The following SYNM variants were observed in gnomAD, a reference collection of about 807,000 sequenced individuals.
The protein encoded by SYNM is synemin.
In SYNM, 95 loss-of-function variants were observed where a neutral mutation model predicts 104.0. The observed-to-expected ratio is 0.91, with a 90% CI of 0.77 to 1.08. The LOEUF is 1.08. Ranked by LOEUF, SYNM falls within the 50% of genes least tolerant of loss-of-function variation. The pLI is 0.00. For synonymous variants in SYNM, 918 were observed against 869.0 expected, an observed-to-expected ratio of 1.06 and a Z score of -0.99; for missense variants, 2,150 against 2,052.2, an observed-to-expected ratio of 1.05 and a Z score of -0.92.
rs782085670 is a variant in SYNM at position 99,131,349 on chromosome 15, G to A, written c.2989G>A (p.Val997Met). 8.1e-6 allele frequency: 13 copies of A among 1,613,160 alleles called. No individual in the cohort carries two copies. The highest frequency in any genetic ancestry group is 3.3e-5 in the South Asian group (3 of 90,790). Residue 997 changes from valine (V) to methionine (M), a missense_variant, in exon 4 of 4, where the codon GTG becomes ATG. Transcript: ENST00000336292. This position sits in a 1 kb window ranked among gnomAD's most constrained non-coding sequence, Gnocchi z 4.3. The part of the protein sequence containing the change: ...KKVQGAGGSS[V>M]TLVAEVNVSQ... The stretch of plus-strand genomic sequence containing the variant: ...GGTCCAGGGTGCTGGTGGCAGTTCC[G>A]TGACCCTGGTTGCTGAAGTCAACGT...
intron 1 of SYNM, among the ~76,000 whole-genome samples, chr15:99,111,312 T>A (rs138120700): frequency 1.0e-4 from 16 of 152,392 alleles, no homozygotes; most frequent in African/African-American, 1.9e-4. Flanking sequence ...GTAATAGTTA[T>A]GTCAAATTTC....
At chr15:99,117,725 C>T (rs976747510) in intron 2 of SYNM, among the ~76,000 whole-genome samples, 1 of 83,176 alleles carries the variant, frequency 1.2e-5, no homozygotes, top group African/African-American at 4.6e-5. Flanking sequence ...CCTCAGAGTC[C>T]GGGGCCTGCC....
chr15:99,109,419 C>A lies in SYNM; in HGVS notation c.810+3410C>A, dbSNP rs572586943. ...GAAAGTGAGCCCTTAGCTGCTGAGG[C>A]TGACTGGAAAAGGCTTCCAAGCCCC... is the stretch of plus-strand genomic sequence containing the variant. On this transcript the variant is annotated intron_variant, in intron 1 of 3. Coordinates refer to ENST00000336292, the MANE Select transcript of SYNM (RefSeq NM_145728.3). Among the ~76,000 whole-genome samples the A allele has an allele frequency of 2.0e-5, 3 of 152,246 alleles. 1 individual carries two copies. The South Asian group carries it at 6.2e-4, about 32-fold the overall frequency.
intron 1 of SYNM, among the ~76,000 whole-genome samples, chr15:99,108,439 T>C (rs1555483076): frequency 6.6e-6 from 1 of 152,114 alleles, no homozygotes; most frequent in Non-Finnish European, 1.5e-5. Context: ...AGGAAGTATG[T>C]GAAAGAGGGA....
intron 1 of SYNM, among the ~76,000 whole-genome samples, chr15:99,109,174 C>T (rs2067277376): frequency 6.8e-6 from 1 of 148,082 alleles, no homozygotes; most frequent in Non-Finnish European, 1.5e-5. Context: ...TGCGCCTTCA[C>T]TGTATGAGGC....
chr15:99,126,432 C>T lies in SYNM; in HGVS notation c.936-290C>T, dbSNP rs538154923. Reference sequence around the variant, plus strand: ...GAAGGGCTTGGCTCGCCAGTACTGCCGAAGCCCTGGCCTGGTCATTTTGTT... The same window carrying T: ...GAAGGGCTTGGCTCGCCAGTACTGCTGAAGCCCTGGCCTGGTCATTTTGTT... On this transcript the variant is annotated intron_variant, in intron 2 of 3. Coordinates refer to ENST00000336292, the MANE Select transcript of SYNM (RefSeq NM_145728.3). Among the ~76,000 whole-genome samples, 4 of 152,358 alleles carry T rather than the reference C, an allele frequency of 2.6e-5. No individual in the cohort carries two copies. The East Asian group carries it at 5.8e-4, about 22-fold the overall frequency.
chr15:99,129,346 T>C (rs782507566), intron 3 of SYNM, 21 bp from the exon 4 acceptor site: 2 of 1,604,460 alleles, frequency 1.2e-6, no homozygotes, highest in Non-Finnish European at 1.7e-6. Context: ...TTTTAATGAA[T>C]GCTTTGTTCA....
intron 1 of SYNM, 93 bp from the exon 2 acceptor site, chr15:99,113,498 T>C (rs2067318379): frequency 7.9e-6 from 12 of 1,528,150 alleles, no homozygotes; most frequent in Non-Finnish European, 9.8e-6. Context: ...AACCCTGGTC[T>C]GTTTTTCAAT....
At position 99,130,325 on chromosome 15, in the gene SYNM, G is replaced by C. The variant is rs1452490711; in HGVS notation, c.1965G>C (p.Glu655Asp). Residue 655 changes from glutamate (E) to aspartate (D), a missense_variant, in exon 4 of 4, where the codon GAG becomes GAC. Coordinates refer to ENST00000336292, the MANE Select transcript of SYNM (RefSeq NM_145728.3). The stretch of plus-strand genomic sequence containing the variant: ...TGAAGCAGTTCACTCAGTCTCCAGA[G>C]ACAGAAGCATCTGCTGATTCTTTTC... ...SILKQFTQSPETEASADSFPD... is the reference protein window; with the variant it reads ...SILKQFTQSPDTEASADSFPD... 3.7e-6 allele frequency: 6 copies of C among 1,613,718 alleles called. No individual in the cohort carries two copies. The highest frequency in any genetic ancestry group is 2.7e-5 in the African/African-American group (2 of 74,920).
chr15:99,109,712 T>G (rs1412658642), intron 1 of SYNM, among the ~76,000 whole-genome samples: 2 of 152,180 alleles, frequency 1.3e-5, no homozygotes, highest in Admixed American at 6.5e-5. Flanking sequence ...CCAAGCTCAG[T>G]TCTTCATGGT....
intron 1 of SYNM, among the ~76,000 whole-genome samples, chr15:99,106,858 T>C (rs2067250125): frequency 6.6e-6 from 1 of 152,244 alleles, no homozygotes; most frequent in Admixed American, 6.5e-5. Flanking sequence ...TCAGTAGTTC[T>C]CAAAAGGACA....
intron 1 of SYNM, among the ~76,000 whole-genome samples, chr15:99,109,212 G>A (rs1315858494): frequency 6.6e-6 from 1 of 152,184 alleles, no homozygotes; most frequent in Admixed American, 6.5e-5. Flanking sequence ...CCCAGGCCTG[G>A]CCTCAGATTT....
At chr15:99,137,985 C>T, downstream of SYNM, 2 of 1,613,944 alleles carry the variant, frequency 1.2e-6, no homozygotes, top group East Asian at 2.2e-5. Context: ...CCAGGAATGT[C>T]CTAGGCTTTT....
chr15:99,129,771 T>A lies in SYNM; in HGVS notation c.1411T>A (p.Ser471Thr). 5 of 1,612,638 alleles carry A rather than the reference T, an allele frequency of 3.1e-6. No homozygotes were observed. Among genetic ancestry groups the A allele is most frequent in the Non-Finnish European group, 4.2e-6 (5 of 1,179,582 alleles). ...IGEDSTIARE[S>T]YRDRRDKVAA... ...TGAAGATTCCACAATTGCCCGCGAG[T>A]CGTACCGGGATCGCCGAGACAAGGT... is the stretch of plus-strand genomic sequence containing the variant. The change falls in exon 4 of 4, where the codon TCG (serine) becomes ACG (threonine). Residue 471 changes from serine to threonine, a missense_variant. Transcript: ENST00000336292.
Position 99,132,273 on chromosome 15 carries a change from A to G in SYNM, c.3913A>G (p.Ser1305Gly). 1 of 1,608,242 alleles carries G rather than the reference A, an allele frequency of 6.2e-7. No homozygotes were observed. Among genetic ancestry groups the G allele is most frequent in the Non-Finnish European group, 8.5e-7 (1 of 1,175,784 alleles). ...ACACATGGAAGGGTTGCCAGGGAGC[A>G]GCACATCCATCAGGCACATCAGCAT... The part of the protein sequence containing the change: ...SVHMEGLPGS[S>G]TSIRHISIGP... Residue 1305 changes from serine to glycine, a missense_variant, in exon 4 of 4, where the codon AGC (serine) becomes GGC (glycine). Transcript: ENST00000336292.
At chr15:99,139,082 G>T, downstream of SYNM, 1 of 595,814 alleles carries the variant, frequency 1.7e-6, no homozygotes, top group Non-Finnish European at 3.0e-6. Context: ...TGGTCTGCAG[G>T]AAGACAACAT....
At position 99,132,116 on chromosome 15, in the gene SYNM, A is replaced by G. The variant is rs781902065; in HGVS notation, c.3756A>G (p.Thr1252=). Reference sequence around the variant, plus strand: ...GGAAGGTTGGTGATTATTTTGCAACAGAAGAGTCAGTGGGTACCCAGACTT... The same window carrying G: ...GGAAGGTTGGTGATTATTTTGCAACGGAAGAGTCAGTGGGTACCCAGACTT... ...AAGKVGDYFA[T]EESVGTQTSV... Residue 1252 remains threonine, a synonymous_variant, in exon 4 of 4, where the codon ACA becomes ACG. Transcript: ENST00000336292. The G allele has an allele frequency of 2.8e-5, 45 of 1,613,908 alleles. No homozygotes were observed. In the South Asian group the frequency reaches 3.8e-4, roughly 14 times the overall value.
chr15:99,123,121 A>T (rs553115215), intron 2 of SYNM, among the ~76,000 whole-genome samples: 2 of 152,250 alleles, frequency 1.3e-5, no homozygotes, highest in Admixed American at 6.5e-5. Flanking sequence ...CAAACCTGTG[A>T]GTTCTCTCCA....
rs184717724 is a variant in SYNM, at chr15:99,132,263, G to A, written c.3903G>A (p.Leu1301=). 1.9e-6 allele frequency: 3 copies of A among 1,608,070 alleles called. No individual in the cohort carries two copies. The highest frequency in any genetic ancestry group is 3.3e-4 in the Middle Eastern group (2 of 6,038). ...VIGDSVHMEG[L]PGSSTSIRHI... The stretch of plus-strand genomic sequence containing the variant: ...GAGATTCTGTACACATGGAAGGGTT[G>A]CCAGGGAGCAGCACATCCATCAGGC... The change falls in exon 4 of 4, where the codon TTG becomes TTA. Residue 1301 remains leucine (L), a synonymous_variant. Coordinates refer to ENST00000336292, the MANE Select transcript of SYNM (RefSeq NM_145728.3).
Sources: allele counts gnomAD v4.1 joint callset (sites outside exome capture counted in the v4.1 genomes callset), GRCh38; gene constraint gnomAD v4.1.1; non-coding constraint Gnocchi (gnomAD v3.1); transcripts MANE v1.5; gene names NCBI Gene and HGNC (gene_info 2026-07-23, HGNC 2026-07-21).